The following HEXA variants were observed in gnomAD, a reference collection of about 807,000 sequenced individuals.
The protein encoded by HEXA is hexosaminidase subunit alpha, also known as beta-hexosaminidase subunit alpha.
Under a neutral mutation model 73.3 loss-of-function variants are expected in HEXA, and 54 were observed. The ratio of observed to expected loss-of-function variants is 0.74; its 90% CI spans 0.59 to 0.92. The LOEUF is 0.92. Among genes scored for constraint, HEXA ranks in the 40% least tolerant of loss-of-function variants. The pLI is 0.00. For synonymous variants in HEXA, 230 were observed against 246.9 expected, an observed-to-expected ratio of 0.93 and a Z score of 0.64; for missense variants, 649 against 653.0, an observed-to-expected ratio of 0.99 and a Z score of 0.07.
At position 72,343,078 on chromosome 15, in the gene HEXA, G is replaced by A. The variant is rs936600187; in HGVS notation, c.*999C>T. 5 of 152,248 alleles carry A rather than the reference G, an allele frequency of 3.3e-5. No homozygotes were observed. Among genetic ancestry groups the A allele is most frequent in the Admixed American group, 6.5e-5 (1 of 15,288 alleles). 9.4% of individuals were successfully genotyped at this position (152,248 alleles called of 1,614,324 possible). ...CTACTAAAAATACAAAAAATTAGCC[G>A]GGCGTGGTGGCGGGCGCCTGTAGTC... On this transcript the variant is annotated 3_prime_UTR_variant, in exon 14 of 14. Coordinates refer to ENST00000268097, the MANE Select transcript of HEXA (RefSeq NM_000520.6).
chr15:72,345,539 C>G lies in HEXA; in HGVS notation c.1433G>C (p.Gly478Ala). The change falls in exon 13 of 14, where the codon GGG becomes GCG. Residue 478 changes from glycine (G) to alanine (A), a missense_variant. Gly to Ala is a moderately conservative substitution (Grantham distance 60, BLOSUM62 0). Coordinates refer to ENST00000268097, the MANE Select transcript of HEXA (RefSeq NM_000520.6). ...NLVPRLWPRA[G>A]AVAERLWSNK... ...GCTCCACAGCCTTTCGGCAACAGCC[C>G]CTGCTCTGGGCCTGGAGGAAAAGGG... 6.2e-7 allele frequency: 1 copy of G among 1,614,226 alleles called. No homozygotes were observed. Among genetic ancestry groups the G allele is most frequent in the Admixed American group, 1.7e-5 (1 of 60,030 alleles).
In HEXA at chr15:72,355,024, C is replaced by T. The variant is rs1305379145; in HGVS notation, c.412+535G>A. ...TTACATGTCTTTAGCAAGAGCTGGA[C>T]AGACAGTGTCTGTGGTAGCATCATT... On this transcript the variant is annotated intron_variant, in intron 3 of 13. Coordinates refer to ENST00000268097, the MANE Select transcript of HEXA (RefSeq NM_000520.6). 3 of 164,812 alleles carry T rather than the reference C, an allele frequency of 1.8e-5. No homozygotes were observed. In the East Asian group the frequency reaches 5.0e-4, roughly 28 times the overall value. 10.2% of individuals were successfully genotyped at this position (164,812 alleles called of 1,614,324 possible).
intron 1 of HEXA, among the ~76,000 whole-genome samples, chr15:72,375,056 A>T (rs901421771): frequency 1.4e-5 from 2 of 142,448 alleles, no homozygotes; most frequent in African/African-American, 5.2e-5. Flanking sequence ...TTCACAATTT[A>T]CACTTTTTTT....
intron 7 of HEXA, 92 bp from the exon 8 acceptor site, chr15:72,349,351 G>A: frequency 9.9e-7 from 1 of 1,014,294 alleles, no homozygotes; most frequent in Non-Finnish European, 1.6e-6. Context: ...CACAAAGCAA[G>A]ACAAGTGTAT....
chr15:72,349,098 C>A lies in HEXA; in HGVS notation c.967G>T (p.Glu323Ter). The A allele has an allele frequency of 3.7e-6, 6 of 1,613,994 alleles. No homozygotes were observed. The highest frequency in any genetic ancestry group is 5.1e-6 in the Non-Finnish European group (6 of 1,179,874). The change falls in exon 8 of 14, where the codon GAG (glutamate) becomes TAG (stop). Residue 323 changes from glutamate to a stop codon, truncating the protein, a stop_gained. Coordinates refer to ENST00000268097, the MANE Select transcript of HEXA (RefSeq NM_000520.6). LOFTEE classifies it high-confidence loss of function. Reference protein sequence around the residue: ...PDFYLHLGGDEVDFTCWKSNP... With the variant: ...PDFYLHLGGD ...TCATACCAGCAGGTGAAATCAACCT[C>A]ATCTCCTCCAAGATGAAGATAAAAA...
chr15:72,356,294 G>A (rs2088777878), intron 2 of HEXA, among the ~76,000 whole-genome samples: 1 of 152,182 alleles, frequency 6.6e-6, no homozygotes, highest in African/African-American at 2.4e-5. Context: ...TAGAAGTCCT[G>A]TGGGACTCAG....
chr15:72,347,785 G>C, intron 9 of HEXA, 27 bp from the exon 10 acceptor site: 1 of 1,605,178 alleles, frequency 6.2e-7, no homozygotes, highest in Non-Finnish European at 8.5e-7. Flanking sequence ...TGTCTAGTAA[G>C]TGTCTGCTTA....
rs2088569750 is a variant in HEXA, at chr15:72,343,196, G to A, written c.*881C>T. ...AGATCGTGCCACTGCACTCCAGCCTGTGTGACAGTGAGACTCCGTCTCAGA... is the reference window on the plus strand; with the variant it reads ...AGATCGTGCCACTGCACTCCAGCCTATGTGACAGTGAGACTCCGTCTCAGA... On this transcript the variant is annotated 3_prime_UTR_variant, in exon 14 of 14. Coordinates refer to ENST00000268097, the MANE Select transcript of HEXA (RefSeq NM_000520.6). 6.6e-6 allele frequency: 1 copy of A among 152,070 alleles called. No homozygotes were observed. Among genetic ancestry groups the A allele is most frequent in the South Asian group, 2.1e-4 (1 of 4,828 alleles). The allele number at this position is 152,070 out of a possible 1,614,324, so 9.4% of individuals were successfully genotyped here.
chr15:72,352,969 A>G (rs2088720034), intron 5 of HEXA, 99 bp downstream of exon 5: 1 of 773,684 alleles, frequency 1.3e-6, no homozygotes, highest in Admixed American at 2.0e-5. Flanking sequence ...CAGTCCATAC[A>G]TTCCCTCTCT....
chr15:72,366,530 C>T (rs753824407), intron 1 of HEXA, among the ~76,000 whole-genome samples: 7 of 152,046 alleles, frequency 4.6e-5, no homozygotes, highest in Non-Finnish European at 1.0e-4. Flanking sequence ...AAGCTGGTCT[C>T]GAACTCCTGA....
chr15:72,356,406 G>A (rs1004945111), intron 2 of HEXA, 119 bp downstream of exon 2: 19 of 1,054,366 alleles, frequency 1.8e-5, no homozygotes, highest in African/African-American at 1.2e-4. Flanking sequence ...GGTGACCCTC[G>A]GTCCCCAGGG....
In HEXA at chr15:72,353,021, T is replaced by C. The variant is rs912878006; in HGVS notation, c.570+47A>G. Reference sequence around the variant, plus strand: ...GGAACTTGGTCTGTCCGTTGCTCCATCACCCTAGAACTCTTAAGTGTGAAG... The same window carrying C: ...GGAACTTGGTCTGTCCGTTGCTCCACCACCCTAGAACTCTTAAGTGTGAAG... On this transcript the variant is annotated intron_variant, in intron 5 of 13. Transcript: ENST00000268097. The C allele has an allele frequency of 7.8e-6, 9 of 1,148,788 alleles. No homozygotes were observed. The South Asian group carries it at 8.6e-5, about 11-fold the overall frequency. 71.2% of individuals were successfully genotyped at this position (1,148,788 alleles called of 1,614,324 possible). A position where few individuals can be genotyped will look rare whatever the true frequency, so the allele number is the denominator to read the frequency against.
chr15:72,355,524 T>C, intron 3 of HEXA, 35 bp downstream of exon 3: 1 of 1,468,486 alleles, frequency 6.8e-7, no homozygotes, highest in Non-Finnish European at 9.5e-7. Flanking sequence ...ACATCATCCT[T>C]TCTCTCTCTC....
At chr15:72,355,724 A>G in intron 2 of HEXA, 100 bp from the exon 3 acceptor site, 1 of 818,816 alleles carries the variant, frequency 1.2e-6, no homozygotes, top group Non-Finnish European at 2.1e-6. Flanking sequence ...AAAAAAAAAA[A>G]CAGTAAGACC....
At chr15:72,366,382 C>T (rs1297797637) in intron 1 of HEXA, among the ~76,000 whole-genome samples, 1 of 151,616 alleles carries the variant, frequency 6.6e-6, no homozygotes, top group African/African-American at 2.4e-5. Context: ...GATCTCAGCT[C>T]ACTGCAATCT....
intron 7 of HEXA, among the ~76,000 whole-genome samples, chr15:72,349,631 T>C (rs757192380): frequency 6.6e-5 from 10 of 152,260 alleles, no homozygotes; most frequent in Non-Finnish European, 1.3e-4. Context: ...CTTTCTTCTC[T>C]ATCTCCTCCT....
intron 3 of HEXA, 161 bp downstream of exon 3, chr15:72,355,398 C>T: frequency 2.9e-6 from 2 of 682,906 alleles, no homozygotes; most frequent in Non-Finnish European, 5.4e-6. Flanking sequence ...TGGTGGCAGG[C>T]ACCTGTAATC....
Position 72,353,186 on chromosome 15 carries a change from G to A in HEXA, c.460-8C>T, listed in dbSNP as rs1437923865. 12 of 1,521,314 alleles carry A rather than the reference G, an allele frequency of 7.9e-6. No homozygotes were observed. Among genetic ancestry groups the A allele is most frequent in the Non-Finnish European group, 1.1e-5 (12 of 1,096,720 alleles). 94.2% of individuals were successfully genotyped at this position (1,521,314 alleles called of 1,614,324 possible). ...AGTCTTGTTGATAAAGAACTGTGCAGAACAAACATTGAACATGTCAGTTTC... is the reference window on the plus strand; with the variant it reads ...AGTCTTGTTGATAAAGAACTGTGCAAAACAAACATTGAACATGTCAGTTTC... On this transcript the variant is annotated splice_polypyrimidine_tract_variant and splice_region_variant and intron_variant, in intron 4 of 13. Transcript: ENST00000268097.
rs987425297 is a variant in HEXA at position 72,343,766 on chromosome 15, T to C, written c.*311A>G. 1.6e-5 allele frequency: 6 copies of C among 386,074 alleles called. No homozygotes were observed. The highest frequency in any genetic ancestry group is 4.3e-5 in the South Asian group (2 of 46,512). 23.9% of individuals were successfully genotyped at this position (386,074 alleles called of 1,614,324 possible). A position where few individuals can be genotyped will look rare whatever the true frequency, so the allele number is the denominator to read the frequency against. On this transcript the variant is annotated 3_prime_UTR_variant, in exon 14 of 14. Coordinates refer to ENST00000268097, the MANE Select transcript of HEXA (RefSeq NM_000520.6). The stretch of plus-strand genomic sequence containing the variant: ...GCAAGGCAGAACAGCACAAAGGCTA[T>C]AGGTTTCATTCCCAGCCCTCAACTT...
Sources: gnomAD v4.1 joint callset for allele counts (sites outside exome capture counted in the v4.1 genomes callset) on GRCh38, gnomAD v4.1.1 for gene constraint, MANE v1.5 for transcripts, NCBI Gene and HGNC (gene_info 2026-07-23, HGNC 2026-07-21) for gene names.